The following DPP6 variants were observed in gnomAD, a reference collection of about 807,000 sequenced individuals.
DPP6 encodes the protein dipeptidyl peptidase like 6.
A neutral mutation model predicts 122.6 loss-of-function variants in DPP6; 69 were observed. That is an observed-to-expected ratio of 0.56 (90% CI 0.46 to 0.69). DPP6 has a LOEUF of 0.69. Among genes scored for constraint, DPP6 ranks in the 30% least tolerant of loss-of-function variants. The probability of loss-of-function intolerance (pLI) is 0.00; values close to 1 mark genes in which losing one functional copy is unlikely to be tolerated. For missense variants in DPP6, 928 were observed against 1,116.9 expected (o/e 0.83, Z 2.41); for synonymous variants, 418 against 433.1 (o/e 0.97, Z 0.43).
intron 8 of DPP6, among the ~76,000 whole-genome samples, chr7:154,749,589 GGA>G (rs577315397): frequency 8.0e-6 from 1 of 125,340 alleles, no homozygotes; most frequent in African/African-American, 3.1e-5. Context: ...GCATAGGACG[GGA>G]GAGAGAGGGA....
rs1007163004 is a variant in DPP6, at chr7:154,726,804, A to G, written c.763-963A>G. Among the ~76,000 whole-genome samples the G allele has an allele frequency of 5.9e-5, 9 of 152,162 alleles. 1 individual carries two copies. The highest frequency in any genetic ancestry group is 2.2e-4 in the African/African-American group (9 of 41,436). On this transcript the variant is annotated intron_variant, in intron 7 of 25. Transcript: ENST00000377770. ...CTTTTATGCTCAGCTTCCCTTTTTA[A>G]ATATAAATTCCAGTTTCCAATCATC...
chr7:153,785,363 T>G, the DPP6 span, among the ~76,000 whole-genome samples: 8 of 152,184 alleles, frequency 5.3e-5, no homozygotes, highest in Non-Finnish European at 1.0e-4. Context: ...ATCACAATTG[T>G]CCAGAACAGG....
chr7:154,759,290 C>A (rs987607906), intron 8 of DPP6, among the ~76,000 whole-genome samples: 1 of 152,216 alleles, frequency 6.6e-6, no homozygotes, highest in Non-Finnish European at 1.5e-5. Flanking sequence ...CGAAGAGGAG[C>A]CACTTGTACT....
At chr7:154,746,560 T>G (rs948268874) in intron 8 of DPP6, among the ~76,000 whole-genome samples, 2 of 152,218 alleles carry the variant, frequency 1.3e-5, no homozygotes, top group African/African-American at 4.8e-5. Context: ...TGGGATTATT[T>G]TGTTCATAGA....
rs867861219 is a variant in DPP6 at position 154,055,124 on chromosome 7, G to A, written c.243+2061G>A. ...TTTTTTTCTGGAAAATACACAATGT[G>A]TGTGGGTGGGCGTGTATTGTGTGTT... On this transcript the variant is annotated intron_variant, in intron 1 of 25. Coordinates refer to ENST00000377770, the MANE Select transcript of DPP6 (RefSeq NM_130797.4). Among the ~76,000 whole-genome samples the A allele has an allele frequency of 2.2e-4, 32 of 145,120 alleles. No individual in the cohort carries two copies. In the South Asian group the frequency reaches 7.4e-3, roughly 34 times the overall value.
chr7:154,004,246 A>C (rs1486489699), intron 1 of DPP6, among the ~76,000 whole-genome samples: 1 of 152,202 alleles, frequency 6.6e-6, no homozygotes, highest in Non-Finnish European at 1.5e-5. Context: ...GTCAGTTAGT[A>C]AATCAATCAA....
chr7:154,141,869 A>G (rs925147315), intron 1 of DPP6, among the ~76,000 whole-genome samples: 1 of 152,366 alleles, frequency 6.6e-6, no homozygotes, highest in Non-Finnish European at 1.5e-5. Context: ...AAATTAGTGT[A>G]TATCTGGATT....
rs1822627813 is a variant in DPP6, at chr7:154,475,229, G to C, written c.457+192G>C. ...GTGTATCTGGTAAAATCAGGCTTTT[G>C]TAATGGTGTTGCCTCCCGAGCATCC... is the stretch of plus-strand genomic sequence containing the variant. On this transcript the variant is annotated intron_variant, in intron 3 of 25. Coordinates refer to ENST00000377770, the MANE Select transcript of DPP6 (RefSeq NM_130797.4). 3.7e-5 allele frequency: 21 copies of C among 567,692 alleles called. No individual in the cohort carries two copies. In the South Asian group the frequency reaches 3.8e-4, roughly 10 times the overall value. The allele number at this position is 567,692 out of a possible 1,614,324, so 35.2% of individuals were successfully genotyped here.
In DPP6 at chr7:154,349,752, A is replaced by G. The variant is rs552454419; in HGVS notation, c.244-96462A>G. Among the ~76,000 whole-genome samples, 49 of 152,314 alleles carry G rather than the reference A, an allele frequency of 3.2e-4. No homozygotes were observed. The South Asian group carries it at 9.9e-3, about 31-fold the overall frequency. Reference sequence around the variant, plus strand: ...GCAGCACATCCAAACCGGACCTTCTATGGCTTTAATACTTCTGAAGACCTC... The same window carrying G: ...GCAGCACATCCAAACCGGACCTTCTGTGGCTTTAATACTTCTGAAGACCTC... On this transcript the variant is annotated intron_variant, in intron 1 of 25. Transcript: ENST00000377770.
chr7:154,514,716 C>A (rs1826351926), intron 3 of DPP6, among the ~76,000 whole-genome samples: 1 of 152,218 alleles, frequency 6.6e-6, no homozygotes, highest in African/African-American at 2.4e-5. Flanking sequence ...TGTGACAGAA[C>A]TTCCTTCTCT....
In DPP6 at chr7:154,866,314, G is replaced by C. The variant is rs546599935; in HGVS notation, c.1715-1681G>C. Among the ~76,000 whole-genome samples, 3 of 152,358 alleles carry C rather than the reference G, an allele frequency of 2.0e-5. No individual in the cohort carries two copies. In the South Asian group the frequency reaches 6.2e-4, roughly 32 times the overall value. On this transcript the variant is annotated intron_variant, in intron 17 of 25. Coordinates refer to ENST00000377770, the MANE Select transcript of DPP6 (RefSeq NM_130797.4). Reference sequence around the variant, plus strand: ...CCTCTCACCTGAGTGTGTGCCTGGAGCATTGCATTAAAGGGCTGAGGGCAT... The same window carrying C: ...CCTCTCACCTGAGTGTGTGCCTGGACCATTGCATTAAAGGGCTGAGGGCAT...
chr7:154,854,197 G>T (rs1485723130), intron 17 of DPP6, among the ~76,000 whole-genome samples: 1 of 152,204 alleles, frequency 6.6e-6, no homozygotes. Flanking sequence ...GCACATGGAG[G>T]CTCATCTGTC....
At chr7:154,490,352 T>G (rs1205366912) in intron 3 of DPP6, among the ~76,000 whole-genome samples, 1 of 152,342 alleles carries the variant, frequency 6.6e-6, no homozygotes, top group Admixed American at 6.5e-5. Context: ...AGCTCATTAG[T>G]GCAGCCCGTG....
At chr7:153,885,727 A>T (rs1798886232), upstream of DPP6, among the ~76,000 whole-genome samples, 1 of 152,190 alleles carries the variant, frequency 6.6e-6, no homozygotes, top group Non-Finnish European at 1.5e-5. Context: ...TTTCTAGCAA[A>T]GCCTGATCCA....
chr7:154,892,557 T>C lies in DPP6; in HGVS notation c.*77T>C. ...CGAGGGATTTCCCTGCCCTCCCTCTTCCCTCGGAGGGGCGGGGCGGGGCGG... is the reference window on the plus strand; with the variant it reads ...CGAGGGATTTCCCTGCCCTCCCTCTCCCCTCGGAGGGGCGGGGCGGGGCGG... On this transcript the variant is annotated 3_prime_UTR_variant, in exon 26 of 26. Coordinates refer to ENST00000377770, the MANE Select transcript of DPP6 (RefSeq NM_130797.4). 1 of 744,066 alleles carries C rather than the reference T, an allele frequency of 1.3e-6. No individual in the cohort carries two copies. Among genetic ancestry groups the C allele is most frequent in the Non-Finnish European group, 2.2e-6 (1 of 461,340 alleles). 46.1% of individuals were successfully genotyped at this position (744,066 alleles called of 1,614,324 possible). A position where few individuals can be genotyped will look rare whatever the true frequency, so the allele number is the denominator to read the frequency against.
chr7:154,563,730 G>A (rs1014132072), intron 4 of DPP6, among the ~76,000 whole-genome samples: 1 of 152,146 alleles, frequency 6.6e-6, no homozygotes, highest in Non-Finnish European at 1.5e-5. Flanking sequence ...GGAGGTGTGG[G>A]AGTGGAGTAG....
At chr7:154,599,847 C>A (rs1430426888) in intron 5 of DPP6, among the ~76,000 whole-genome samples, 1 of 152,076 alleles carries the variant, frequency 6.6e-6, no homozygotes, top group African/African-American at 2.4e-5. Context: ...TAAGCTGACC[C>A]CACTCCTTCC....
chr7:154,181,569 A>G (rs181674361), intron 1 of DPP6, among the ~76,000 whole-genome samples: 55 of 152,194 alleles, frequency 3.6e-4, no homozygotes, highest in Admixed American at 1.2e-3. Flanking sequence ...TAAACTATTC[A>G]TTTCTACCAA....
chr7:154,130,500 GA>G (rs1346885763), intron 1 of DPP6, among the ~76,000 whole-genome samples: 2 of 152,216 alleles, frequency 1.3e-5, no homozygotes, highest in Non-Finnish European at 2.9e-5. Flanking sequence ...AAAGCAGGAT[GA>G]TGTTACTTTC....
Sources: allele counts gnomAD v4.1 joint callset (sites outside exome capture counted in the v4.1 genomes callset), GRCh38; gene constraint gnomAD v4.1.1; transcripts MANE v1.5; gene names NCBI Gene and HGNC (gene_info 2026-07-23, HGNC 2026-07-21).